C8orf89: variants seen among roughly 807,000 people sequenced by gnomAD.
C8orf89 encodes putative uncharacterized protein C8orf89.
In C8orf89, 14 loss-of-function variants were observed where a neutral mutation model predicts 15.8. That is an observed-to-expected ratio of 0.89 (90% confidence interval 0.59 to 1.39). The LOEUF (loss-of-function observed/expected upper bound fraction) is 1.39. Among genes scored for constraint, C8orf89 ranks in the 40% most tolerant of loss-of-function variants. C8orf89 has a pLI of 0.00. For synonymous variants in C8orf89, 55 were observed against 62.2 expected (o/e 0.88, Z 0.54); for missense variants, 181 against 184.5 (o/e 0.98, Z 0.11).
At chr8:73,282,507 T>C in the C8orf89 span, among the ~76,000 whole-genome samples, 1 of 152,228 alleles carries the variant, frequency 6.6e-6, no homozygotes, top group East Asian at 1.9e-4. Flanking sequence ...GTAAGTACTC[T>C]GGATTGCCTG....
intron 2 of C8orf89, among the ~76,000 whole-genome samples, chr8:73,256,726 C>CAAAA (rs11288188): frequency 0.067 from 2,908 of 43,652 alleles, 267 homozygotes; most frequent in Non-Finnish European, 0.078. Flanking sequence ...GACTCTGTCT[C>CAAAA]AAAAAAAAAA....
intron 2 of C8orf89, among the ~76,000 whole-genome samples, chr8:73,254,642 C>T (rs1386762565): frequency 6.6e-6 from 1 of 152,126 alleles, no homozygotes; most frequent in East Asian, 1.9e-4. Flanking sequence ...TCCCCTTCTT[C>T]ACGCCCTCCT....
At chr8:73,241,815 A>C (rs1452485836) in intron 3 of C8orf89, among the ~76,000 whole-genome samples, 1 of 152,164 alleles carries the variant, frequency 6.6e-6, no homozygotes, top group Admixed American at 6.5e-5. Flanking sequence ...ACCCAGAAAC[A>C]AATCTATACA....
At chr8:73,277,448 C>T in the C8orf89 span, 1 of 1,127,586 alleles carries the variant, frequency 8.9e-7, no homozygotes. Context: ...TCTCCAAATT[C>T]TTTTTCTCGG....
chr8:73,258,170 G>A (rs1813442868), intron 1 of C8orf89, among the ~76,000 whole-genome samples: 1 of 152,154 alleles, frequency 6.6e-6, no homozygotes, highest in African/African-American at 2.4e-5. Flanking sequence ...CCAGCACTTT[G>A]GGAGTCCGAG....
chr8:73,273,688 T>C, the C8orf89 span, among the ~76,000 whole-genome samples: 1 of 151,536 alleles, frequency 6.6e-6, no homozygotes, highest in Non-Finnish European at 1.5e-5. Context: ...AGGCTGTCAG[T>C]TCCACGTGAA....
At chr8:73,282,447 G>A in the C8orf89 span, among the ~76,000 whole-genome samples, 4 of 152,168 alleles carry the variant, frequency 2.6e-5, no homozygotes, top group African/African-American at 4.8e-5. Flanking sequence ...TGTAGGTAGA[G>A]GCATTCCAGG....
the C8orf89 span, among the ~76,000 whole-genome samples, chr8:73,265,362 A>G: frequency 6.6e-6 from 1 of 152,256 alleles, no homozygotes; most frequent in East Asian, 1.9e-4. Flanking sequence ...TTCTACGTGC[A>G]TCAAAAATCC....
chr8:73,275,725 A>T, the C8orf89 span, among the ~76,000 whole-genome samples: 4 of 152,086 alleles, frequency 2.6e-5, no homozygotes, highest in Non-Finnish European at 4.4e-5. Context: ...TTTGGTGAGT[A>T]CTAATTCTTT....
At chr8:73,256,726 C>CAAAAAAAAAAAAA (rs11288188) in intron 2 of C8orf89, among the ~76,000 whole-genome samples, 2 of 43,704 alleles carry the variant, frequency 4.6e-5, no homozygotes, top group African/African-American at 1.6e-4. Flanking sequence ...GACTCTGTCT[C>CAAAAAAAAAAAAA]AAAAAAAAAA....
At chr8:73,241,740 C>T in intron 3 of C8orf89, 135 bp from the exon 4 acceptor site, 1 of 600,024 alleles carries the variant, frequency 1.7e-6, no homozygotes, top group Non-Finnish European at 2.5e-6. Flanking sequence ...TACTACAGAG[C>T]TATACTAACC....
chr8:73,256,828 ATTT>A (rs1813401600), intron 2 of C8orf89, 142 bp downstream of exon 2: 1 of 476,502 alleles, frequency 2.1e-6, no homozygotes, highest in African/African-American at 2.1e-5. Flanking sequence ...AATAGCTTAG[ATTT>A]TAAAAATTAA....
chr8:73,262,864 A>G (rs551899097), upstream of C8orf89, among the ~76,000 whole-genome samples: 3 of 152,260 alleles, frequency 2.0e-5, no homozygotes, highest in East Asian at 5.8e-4. Context: ...CCATATCTGC[A>G]AGAATATATA....
chr8:73,266,358 T>C, the C8orf89 span, among the ~76,000 whole-genome samples: 2 of 152,194 alleles, frequency 1.3e-5, no homozygotes, highest in Non-Finnish European at 2.9e-5. Flanking sequence ...GATAGATTGC[T>C]CAAAGTTTCT....
At chr8:73,244,668 A>C (rs1369647931) in intron 3 of C8orf89, among the ~76,000 whole-genome samples, 1 of 152,140 alleles carries the variant, frequency 6.6e-6, no homozygotes, top group East Asian at 1.9e-4. Flanking sequence ...CAGGGGTAAT[A>C]TGAGTGAGAA....
Position 73,253,367 on chromosome 8 carries a change from C to T in C8orf89, c.282-3044G>A, listed in dbSNP as rs570632786. 4.7e-3 allele frequency among the ~76,000 whole-genome samples: 714 copies of T among 152,234 alleles called. 6 individuals are homozygous for T. The highest frequency in any genetic ancestry group is 0.014 in the Middle Eastern group (4 of 294). On this transcript the variant is annotated intron_variant, in intron 2 of 3. Transcript: ENST00000624510. ...TGTAGTATAGTTTGAAGTCAGGTAG[C>T]GTGATGCCTCCAGCTTTATTCTTTT...
chr8:73,278,424 C>T, the C8orf89 span, among the ~76,000 whole-genome samples: 1 of 152,152 alleles, frequency 6.6e-6, no homozygotes, highest in Non-Finnish European at 1.5e-5. Context: ...AAGTGCCTCC[C>T]TTCTGCTAGC....
chr8:73,250,755 T>C (rs1813228869), intron 2 of C8orf89, among the ~76,000 whole-genome samples: 1 of 152,198 alleles, frequency 6.6e-6, no homozygotes, highest in African/African-American at 2.4e-5. Context: ...TATATCATGA[T>C]TGAATCTGCT....
intron 2 of C8orf89, among the ~76,000 whole-genome samples, chr8:73,254,023 G>A (rs1047723929): frequency 6.6e-6 from 1 of 152,128 alleles, no homozygotes; most frequent in Admixed American, 6.5e-5. Flanking sequence ...TTTTCAAAGG[G>A]AATGCTTCCA....
Sources: allele counts gnomAD v4.1 joint callset (sites outside exome capture counted in the v4.1 genomes callset), GRCh38; gene constraint gnomAD v4.1.1; transcripts MANE v1.5; gene names NCBI Gene and HGNC (gene_info 2026-07-23, HGNC 2026-07-21).